Variants in NECAB1 observed in about 807,000 individuals in gnomAD.
NECAB1 encodes the protein N-terminal EF-hand calcium binding protein 1, also known as N-terminal EF-hand calcium-binding protein 1.
NECAB1 carries 29 observed loss-of-function variants against 57.5 expected under a neutral mutation model. The ratio of observed to expected loss-of-function variants is 0.50; its 90% confidence interval spans 0.38 to 0.69. The LOEUF is 0.69. Among genes scored for constraint, NECAB1 ranks in the 30% least tolerant of loss-of-function variants. The probability of loss-of-function intolerance (pLI) is 0.00; values close to 1 mark genes in which losing one functional copy is unlikely to be tolerated. For missense variants in NECAB1, 372 were observed against 413.8 expected (o/e 0.90, Z 0.88); for synonymous variants, 142 against 147.7 (o/e 0.96, Z 0.28).
chr8:90,920,482 A>C (rs1383408664), intron 6 of NECAB1, among the ~76,000 whole-genome samples: 1 of 152,214 alleles, frequency 6.6e-6, no homozygotes, highest in Non-Finnish European at 1.5e-5. Context: ...TACCTTTCCT[A>C]TGATGTCAAT....
At chr8:90,933,842 A>C (rs1810468179) in intron 8 of NECAB1, among the ~76,000 whole-genome samples, 2 of 152,222 alleles carry the variant, frequency 1.3e-5, no homozygotes, top group South Asian at 4.1e-4. Context: ...TTTAATAAAG[A>C]AAAATTAACA....
At chr8:90,930,156 T>C (rs943743866) in intron 8 of NECAB1, among the ~76,000 whole-genome samples, 22 of 152,160 alleles carry the variant, frequency 1.4e-4, no homozygotes, top group Middle Eastern at 3.4e-3. Flanking sequence ...GAAAATGGCA[T>C]TGAAGAGGAG....
At chr8:90,845,179 A>T (rs1236507369) in intron 3 of NECAB1, among the ~76,000 whole-genome samples, 1 of 152,126 alleles carries the variant, frequency 6.6e-6, no homozygotes, top group Non-Finnish European at 1.5e-5. Flanking sequence ...TATTTACCTC[A>T]TCCAAAACAC....
chr8:90,951,360 A>AT (rs1810922281), intron 12 of NECAB1, among the ~76,000 whole-genome samples, 156 bp downstream of exon 12: 1 of 152,114 alleles, frequency 6.6e-6, no homozygotes, highest in Admixed American at 6.5e-5. Flanking sequence ...GGGGGAAGAA[A>AT]TAAAAGATCT....
chr8:90,854,997 G>A (rs915633796), intron 3 of NECAB1, among the ~76,000 whole-genome samples: 7 of 152,304 alleles, frequency 4.6e-5, no homozygotes, highest in African/African-American at 1.7e-4. Context: ...GGGTGACAGA[G>A]TATCCTAATA....
At position 90,791,874 on chromosome 8, in the gene NECAB1, A is replaced by G. The variant is rs368331447; in HGVS notation, c.-13A>G. On this transcript the variant is annotated 5_prime_UTR_variant, in exon 1 of 13. Coordinates refer to ENST00000417640, the MANE Select transcript of NECAB1 (RefSeq NM_022351.5). Reference sequence around the variant, plus strand: ...TAGCCCCGCTCCGCCTGAGGCCGTCAGGGCTCCCGAGGATGGAAGATTCCC... The same window carrying G: ...TAGCCCCGCTCCGCCTGAGGCCGTCGGGGCTCCCGAGGATGGAAGATTCCC... The G allele has an allele frequency of 5.7e-5, 89 of 1,547,860 alleles. No individual in the cohort carries two copies. In the African/African-American group the frequency reaches 8.8e-4, roughly 15 times the overall value.
chr8:90,832,773 T>C (rs1217551648), intron 3 of NECAB1, among the ~76,000 whole-genome samples: 1 of 152,168 alleles, frequency 6.6e-6, no homozygotes, highest in Non-Finnish European at 1.5e-5. Flanking sequence ...TGCCCAAAGT[T>C]ACATCAATAT....
rs554122630 is a variant in NECAB1 at position 90,929,188 on chromosome 8, A to G, written c.693+889A>G. On this transcript the variant is annotated intron_variant, in intron 8 of 12. Coordinates refer to ENST00000417640, the MANE Select transcript of NECAB1 (RefSeq NM_022351.5). Reference sequence around the variant, plus strand: ...GTAAGTATTTGAATGACTGACCGAGACATGTTAAAGGAATGGATCAGATGT... The same window carrying G: ...GTAAGTATTTGAATGACTGACCGAGGCATGTTAAAGGAATGGATCAGATGT... Among the ~76,000 whole-genome samples, 5 of 152,306 alleles carry G rather than the reference A, an allele frequency of 3.3e-5. No homozygotes were observed. The South Asian group carries it at 1.0e-3, about 32-fold the overall frequency.
rs995815524 is a variant in NECAB1, at chr8:90,957,893, A to G, written c.*2381A>G. 2.0e-5 allele frequency: 3 copies of G among 151,174 alleles called. No individual in the cohort carries two copies. Among genetic ancestry groups the G allele is most frequent in the Non-Finnish European group, 3.0e-5 (2 of 67,576 alleles). 9.4% of individuals were successfully genotyped at this position (151,174 alleles called of 1,614,324 possible). ...GGTCACTAAAAGACCAAGATGGGAAACGTAACATGGAATACAAGCTTGAAT... is the reference window on the plus strand; with the variant it reads ...GGTCACTAAAAGACCAAGATGGGAAGCGTAACATGGAATACAAGCTTGAAT... On this transcript the variant is annotated 3_prime_UTR_variant, in exon 13 of 13. Coordinates refer to ENST00000417640, the MANE Select transcript of NECAB1 (RefSeq NM_022351.5).
chr8:90,817,271 T>C (rs564400254), intron 2 of NECAB1, among the ~76,000 whole-genome samples: 14 of 151,794 alleles, frequency 9.2e-5, no homozygotes, highest in Non-Finnish European at 1.9e-4. Context: ...TACAATTTTG[T>C]TTCTACCTTC....
At chr8:90,858,983 A>G (rs563814462) in intron 3 of NECAB1, 2 of 152,328 alleles carry the variant, frequency 1.3e-5, no homozygotes, top group East Asian at 3.9e-4. Context: ...CAACCTGCAA[A>G]AAAATGGAAA....
At chr8:90,841,268 TA>T (rs144396332) in intron 3 of NECAB1, among the ~76,000 whole-genome samples, 70,769 of 140,200 alleles carry the variant, frequency 0.5, 20,637 homozygotes, top group African/African-American at 0.81. Flanking sequence ...TCAAAAAAAA[TA>T]AAAAAAAAAA....
intron 2 of NECAB1, among the ~76,000 whole-genome samples, chr8:90,818,707 A>C (rs7837044): frequency 0.056 from 8,535 of 151,938 alleles, 811 homozygotes; most frequent in African/African-American, 0.2. Context: ...ATATTGAGGT[A>C]TGAGTTTGGT....
intron 3 of NECAB1, among the ~76,000 whole-genome samples, chr8:90,857,233 T>C (rs1812810679): frequency 6.6e-6 from 1 of 152,190 alleles, no homozygotes; most frequent in Non-Finnish European, 1.5e-5. Flanking sequence ...GTTTTTACTG[T>C]ATGTTTGGGT....
intron 2 of NECAB1, among the ~76,000 whole-genome samples, chr8:90,820,897 T>TA (rs1205301130): frequency 6.6e-6 from 1 of 151,908 alleles, no homozygotes; most frequent in Non-Finnish European, 1.5e-5. Flanking sequence ...GTTGAACTCT[T>TA]ACTATGTGCT....
intron 10 of NECAB1, among the ~76,000 whole-genome samples, chr8:90,949,551 T>C (rs572848584): frequency 2.6e-5 from 4 of 152,300 alleles, no homozygotes; most frequent in African/African-American, 9.6e-5. Flanking sequence ...GTCTGCAATA[T>C]ACTGAGACTG....
At chr8:90,928,328 T>C (rs1329642259) in intron 8 of NECAB1, 29 bp downstream of exon 8, 3 of 1,513,806 alleles carry the variant, frequency 2.0e-6, no homozygotes, top group Non-Finnish European at 2.7e-6. Flanking sequence ...TTATTCTCTC[T>C]TCCACTCTTC....
At chr8:90,846,874 T>C (rs533320550) in intron 3 of NECAB1, among the ~76,000 whole-genome samples, 1 of 152,248 alleles carries the variant, frequency 6.6e-6, no homozygotes, top group African/African-American at 2.4e-5. Context: ...CCACCCTGGA[T>C]CCCTCCCATG....
At chr8:90,850,135 G>C (rs191681823) in intron 3 of NECAB1, among the ~76,000 whole-genome samples, 2 of 152,216 alleles carry the variant, frequency 1.3e-5, no homozygotes, top group Non-Finnish European at 2.9e-5. Context: ...GGAACAGAGA[G>C]AGAGATAAAA....
Sources: gnomAD v4.1 joint callset for allele counts (sites outside exome capture counted in the v4.1 genomes callset) on GRCh38, gnomAD v4.1.1 for gene constraint, MANE v1.5 for transcripts, NCBI Gene and HGNC (gene_info 2026-07-23, HGNC 2026-07-21) for gene names.